The following NADSYN1 variants were observed in gnomAD, a reference collection of about 807,000 sequenced individuals.
NADSYN1 encodes the protein NAD synthetase 1.
In NADSYN1, 80 loss-of-function variants were observed where a neutral mutation model predicts 99.3. The observed-to-expected ratio is 0.81, with a 90% CI of 0.67 to 0.97. The LOEUF is 0.97. NADSYN1 is among the 50% of genes least tolerant of loss of function. The pLI, the probability that NADSYN1 is intolerant of heterozygous loss-of-function variation, is 0.00. For missense variants in NADSYN1, 859 were observed against 948.5 expected, an observed-to-expected ratio of 0.91 and a Z score of 1.24; for synonymous variants, 385 against 372.1, an observed-to-expected ratio of 1.03 and a Z score of -0.40.
chr11:71,458,837 CAG>C (rs1949530096), intron 3 of NADSYN1: 1 of 315,454 alleles, frequency 3.2e-6, no homozygotes. Flanking sequence ...CCACCCCGTG[CAG>C]AGAGCTTGAC....
At chr11:71,484,894 T>C in intron 15 of NADSYN1, 1 of 197,876 alleles carries the variant, frequency 5.1e-6, no homozygotes, top group South Asian at 1.1e-4. Flanking sequence ...TGAGTGTGGA[T>C]GTGTGAGTGT....
At chr11:71,476,663 A>G (rs572107131) in intron 9 of NADSYN1, 1 of 985,730 alleles carries the variant, frequency 1.0e-6, no homozygotes, top group South Asian at 4.7e-5. Context: ...CAGAGCTGGA[A>G]GGGCTTTGAA....
intron 2 of NADSYN1, 111 bp downstream of exon 2, chr11:71,455,281 C>G (rs149536953): frequency 4.5e-6 from 4 of 898,538 alleles, no homozygotes; most frequent in Non-Finnish European, 7.0e-6. Flanking sequence ...GCTGTGGACA[C>G]GCCACACCCA....
At chr11:71,479,851 A>G (rs971145303) in intron 10 of NADSYN1, 4 of 152,196 alleles carry the variant, frequency 2.6e-5, no homozygotes, top group Non-Finnish European at 4.4e-5. Flanking sequence ...AGATCCTGTG[A>G]TTACTGTATC....
At position 71,497,596 on chromosome 11, in the gene NADSYN1, C is replaced by A; in HGVS notation, c.1878C>A (p.Ile626=). 6.2e-7 allele frequency: 1 copy of A among 1,614,162 alleles called. No homozygotes were observed. Among genetic ancestry groups the A allele is most frequent in the Non-Finnish European group, 8.5e-7 (1 of 1,180,034 alleles). Residue 626 remains isoleucine, a synonymous_variant, in exon 19 of 21, where the codon ATC becomes ATA. Transcript: ENST00000319023. ...FCKLLGMWRH[I]CTPRQVADKV... is the part of the protein sequence containing the mutation. Reference sequence around the variant, plus strand: ...AACTCCTCGGCATGTGGAGACACATCTGCACCCCGAGACAGGTAAAGCCTG... The same window carrying A: ...AACTCCTCGGCATGTGGAGACACATATGCACCCCGAGACAGGTAAAGCCTG...
chr11:71,487,569 C>A (rs1003020601), intron 16 of NADSYN1, among the ~76,000 whole-genome samples: 9 of 152,046 alleles, frequency 5.9e-5, no homozygotes, highest in African/African-American at 1.9e-4. Context: ...CAGTGGCTCA[C>A]GTCTGTAATC....
intron 5 of NADSYN1, among the ~76,000 whole-genome samples, chr11:71,465,791 A>G (rs1174850482): frequency 6.6e-6 from 1 of 152,224 alleles, no homozygotes; most frequent in Non-Finnish European, 1.5e-5. Context: ...TTAATTTTTT[A>G]TATAGGAAAA....
intron 11 of NADSYN1, 22 bp from the exon 12 acceptor site, chr11:71,481,334 C>T: frequency 5.0e-6 from 8 of 1,613,568 alleles, no homozygotes; most frequent in Non-Finnish European, 6.8e-6. Flanking sequence ...CCTCCGGGCT[C>T]CATGTTCTGA....
rs146424453 is a variant in NADSYN1 at position 71,483,692 on chromosome 11, T to C, written c.1320-620T>C. Among the ~76,000 whole-genome samples, 633 of 152,312 alleles carry C rather than the reference T, an allele frequency of 4.2e-3. 5 individuals are homozygous for C. Among genetic ancestry groups the C allele is most frequent in the African/African-American group, 0.015 (610 of 41,568 alleles). ...CCTCCAGTGATTCTCCTCCTAGATA[T>C]GTACTCAGAGGAATCAGAAACAGGG... On this transcript the variant is annotated intron_variant, in intron 14 of 20. Coordinates refer to ENST00000319023, the MANE Select transcript of NADSYN1 (RefSeq NM_018161.5).
At chr11:71,462,260 G>A (rs541595354) in intron 3 of NADSYN1, among the ~76,000 whole-genome samples, 2 of 152,306 alleles carry the variant, frequency 1.3e-5, no homozygotes, top group East Asian at 3.9e-4. Flanking sequence ...AACATTTACA[G>A]TCTGTTCTCT....
Position 71,470,223 on chromosome 11 carries a change from C to T in NADSYN1, c.408-2226C>T, listed in dbSNP as rs1009818070. Among the ~76,000 whole-genome samples the T allele has an allele frequency of 5.9e-5, 9 of 152,240 alleles. No individual in the cohort carries two copies. The South Asian group carries it at 6.2e-4, about 11-fold the overall frequency. The stretch of plus-strand genomic sequence containing the variant: ...GCCCCATGATTCAATTATCTCCCAC[C>T]GGGTCCCTCCCACAACATGTGGGAA... On this transcript the variant is annotated intron_variant, in intron 5 of 20. Coordinates refer to ENST00000319023, the MANE Select transcript of NADSYN1 (RefSeq NM_018161.5).
intron 5 of NADSYN1, among the ~76,000 whole-genome samples, chr11:71,465,696 T>A (rs2120420548): frequency 6.6e-6 from 1 of 152,352 alleles, no homozygotes; most frequent in Non-Finnish European, 1.5e-5. Context: ...GTTGAGAAAT[T>A]CTACTCTCCA....
At chr11:71,459,433 T>A (rs560827599) in intron 3 of NADSYN1, among the ~76,000 whole-genome samples, 35 of 152,154 alleles carry the variant, frequency 2.3e-4, no homozygotes, top group African/African-American at 8.2e-4. Context: ...TGTGCTGGTG[T>A]CTGTGCTGTC....
Position 71,453,246 on chromosome 11 carries a change from C to A in NADSYN1, c.-51C>A. On this transcript the variant is annotated 5_prime_UTR_variant, in exon 1 of 21. Coordinates refer to ENST00000319023, the MANE Select transcript of NADSYN1 (RefSeq NM_018161.5). The stretch of plus-strand genomic sequence containing the variant: ...TCCCAGCCGCCTACCTCGCTGGGAC[C>A]CTGGTCTTGCTGTCCCCCGCTGGCC... 1.3e-6 allele frequency: 2 copies of A among 1,545,190 alleles called. No individual in the cohort carries two copies. The highest frequency in any genetic ancestry group is 1.8e-6 in the Non-Finnish European group (2 of 1,124,184).
At chr11:71,459,499 C>T (rs1949536226) in intron 3 of NADSYN1, among the ~76,000 whole-genome samples, 1 of 152,098 alleles carries the variant, frequency 6.6e-6, no homozygotes, top group Admixed American at 6.5e-5. Context: ...GGTATCTGAG[C>T]CCTGCTTTGA....
At chr11:71,469,462 G>A (rs201167349) in intron 5 of NADSYN1, among the ~76,000 whole-genome samples, 1 of 152,208 alleles carries the variant, frequency 6.6e-6, no homozygotes, top group East Asian at 1.9e-4. Context: ...TCAGGGGGCT[G>A]ACAACCTTCA....
chr11:71,483,329 C>T (rs747293775), intron 14 of NADSYN1, among the ~76,000 whole-genome samples: 1 of 152,096 alleles, frequency 6.6e-6, no homozygotes, highest in Non-Finnish European at 1.5e-5. Context: ...CCTATCTGAC[C>T]CACCCCAGTC....
At chr11:71,479,574 C>T (rs569716151) in intron 10 of NADSYN1, 23 of 152,380 alleles carry the variant, frequency 1.5e-4, no homozygotes, top group African/African-American at 4.3e-4. Flanking sequence ...CTCCTCCGGT[C>T]CTGGCAACCA....
intron 12 of NADSYN1, 83 bp from the exon 13 acceptor site, chr11:71,481,839 AG>A: frequency 6.4e-6 from 8 of 1,246,702 alleles, no homozygotes. Flanking sequence ...CGCCTCCTTG[AG>A]GTCTATGGGT....
Sources: gnomAD v4.1 joint callset for allele counts (sites outside exome capture counted in the v4.1 genomes callset) on GRCh38, gnomAD v4.1.1 for gene constraint, MANE v1.5 for transcripts, NCBI Gene and HGNC (gene_info 2026-07-23, HGNC 2026-07-21) for gene names.